Variants in GUCY1A2 observed in about 807,000 individuals in gnomAD.
GUCY1A2 encodes the protein guanylate cyclase soluble subunit alpha-2.
GUCY1A2 carries 27 observed loss-of-function variants against 63.5 expected under a neutral mutation model. The observed-to-expected ratio is 0.43, with a 90% CI of 0.31 to 0.59. GUCY1A2 has a LOEUF of 0.59. Ranked by LOEUF, GUCY1A2 falls within the 20% of genes least tolerant of loss-of-function variation. The pLI is 0.11. For missense variants in GUCY1A2, 768 were observed against 913.3 expected (o/e 0.84, Z 2.05); for synonymous variants, 364 against 343.5 (o/e 1.06, Z -0.66).
chr11:106,832,113 C>CTT (rs1437922915), intron 4 of GUCY1A2, among the ~76,000 whole-genome samples: 28 of 152,080 alleles, frequency 1.8e-4, no homozygotes, highest in Non-Finnish European at 3.4e-4. Flanking sequence ...GACAAATATG[C>CTT]AGTTGGTTTT....
intron 3 of GUCY1A2, among the ~76,000 whole-genome samples, chr11:106,965,628 T>C (rs1861117986): frequency 1.3e-5 from 2 of 152,308 alleles, no homozygotes; most frequent in South Asian, 4.1e-4. Context: ...CCTCCTGCCA[T>C]GTGGCCTTCC....
chr11:106,810,619 C>G, intron 4 of GUCY1A2, 141 bp from the exon 5 acceptor site: 2 of 604,868 alleles, frequency 3.3e-6, no homozygotes, highest in East Asian at 2.9e-5. Context: ...AAATTTAAAT[C>G]TGATTTTCAG....
At chr11:106,762,106 G>A (rs1466436251) in intron 6 of GUCY1A2, among the ~76,000 whole-genome samples, 2 of 152,038 alleles carry the variant, frequency 1.3e-5, no homozygotes, top group Non-Finnish European at 2.9e-5. Context: ...CATGGGATAA[G>A]TTTAGTATTT....
At chr11:106,954,714 A>G (rs891776097) in intron 3 of GUCY1A2, among the ~76,000 whole-genome samples, 6 of 152,186 alleles carry the variant, frequency 3.9e-5, no homozygotes, top group African/African-American at 4.8e-5. Context: ...TATATTTAGA[A>G]TAGTTAGCTC....
At chr11:106,826,673 A>G in intron 4 of GUCY1A2, 3 of 1,609,296 alleles carry the variant, frequency 1.9e-6, no homozygotes, top group Non-Finnish European at 1.7e-6. Flanking sequence ...ACATGAGCAA[A>G]CAGTTCAAAG....
chr11:106,864,657 C>A (rs996322570), intron 4 of GUCY1A2, among the ~76,000 whole-genome samples: 4 of 152,254 alleles, frequency 2.6e-5, no homozygotes, highest in Non-Finnish European at 5.9e-5. Flanking sequence ...GCCTTTTCTG[C>A]ATCTATTGAG....
At chr11:106,928,447 T>A (rs1395256468) in intron 4 of GUCY1A2, among the ~76,000 whole-genome samples, 1 of 151,314 alleles carries the variant, frequency 6.6e-6, no homozygotes, top group African/African-American at 2.4e-5. Flanking sequence ...GCTTGTCACC[T>A]ACAATATGCT....
intron 4 of GUCY1A2, among the ~76,000 whole-genome samples, chr11:106,849,797 A>G (rs1307506385): frequency 1.3e-5 from 2 of 151,720 alleles, no homozygotes; most frequent in Non-Finnish European, 3.0e-5. Flanking sequence ...ATTATCTTGG[A>G]AAGAATTTAG....
intron 4 of GUCY1A2, among the ~76,000 whole-genome samples, chr11:106,887,036 GCTAA>G (rs753960034): frequency 6.6e-6 from 1 of 151,932 alleles, no homozygotes; most frequent in East Asian, 1.9e-4. Context: ...CTTGCTGATG[GCTAA>G]CTATCCTTTC....
At chr11:106,943,067 C>A (rs1860772337) in intron 3 of GUCY1A2, among the ~76,000 whole-genome samples, 1 of 151,896 alleles carries the variant, frequency 6.6e-6, no homozygotes, top group Admixed American at 6.6e-5. Context: ...TGCACAAGAT[C>A]AGAAAAGAAA....
chr11:106,894,942 G>GA (rs1244321098), intron 4 of GUCY1A2, among the ~76,000 whole-genome samples: 2 of 151,978 alleles, frequency 1.3e-5, no homozygotes, highest in African/African-American at 4.8e-5. Flanking sequence ...GAAATAAACA[G>GA]AGAAAAGTCA....
chr11:106,704,396 T>C (rs953456044), intron 7 of GUCY1A2, among the ~76,000 whole-genome samples: 1 of 152,148 alleles, frequency 6.6e-6, no homozygotes, highest in Admixed American at 6.6e-5. Flanking sequence ...GTCACTAAAG[T>C]TCATGTAGAC....
At position 107,017,875 on chromosome 11, in the gene GUCY1A2, G is replaced by C; in HGVS notation, c.181C>G (p.Pro61Ala). The C allele has an allele frequency of 8.0e-7, 1 of 1,250,844 alleles. No homozygotes were observed. The highest frequency in any genetic ancestry group is 1.0e-6 in the Non-Finnish European group (1 of 995,746). The allele number at this position is 1,250,844 out of a possible 1,614,324, so 77.5% of individuals were successfully genotyped here. A position where few individuals can be genotyped will look rare whatever the true frequency, so the allele number is the denominator to read the frequency against. The change falls in exon 1 of 8, where the codon CCG (proline) becomes GCG (alanine). Residue 61 changes from proline to alanine, a missense_variant. Pro to Ala is a conservative substitution (Grantham distance 27). Transcript: ENST00000526355. ...GCGGCGGCAGAAGCAGCCGGGGTCGGGGCCGGGGCGGCGGCAGCGGCAGCT... is the reference window on the plus strand; with the variant it reads ...GCGGCGGCAGAAGCAGCCGGGGTCGCGGCCGGGGCGGCGGCAGCGGCAGCT... ...AAAAAAAAPA[P>A]TPAASAAAAA...
At position 106,679,322 on chromosome 11, in the gene GUCY1A2, G is replaced by A. The variant is rs867701580; in HGVS notation, c.*8227C>T. 47 of 190,914 alleles carry A rather than the reference G, an allele frequency of 2.5e-4. No individual in the cohort carries two copies. Among genetic ancestry groups the A allele is most frequent in the African/African-American group, 1.1e-3 (46 of 42,920 alleles). The allele number at this position is 190,914 out of a possible 1,614,324, so 11.8% of individuals were successfully genotyped here. On this transcript the variant is annotated 3_prime_UTR_variant, in exon 8 of 8. Transcript: ENST00000526355. ...AGAATACCATTAAATGCTATGGGGT[G>A]ATTCTCTCTCCAGCTCAAATACTCT...
chr11:106,890,537 G>A (rs1045447962), intron 4 of GUCY1A2, among the ~76,000 whole-genome samples: 2 of 152,102 alleles, frequency 1.3e-5, no homozygotes, highest in Admixed American at 6.6e-5. Context: ...GGAAATTCAC[G>A]ATTCTGACTT....
At chr11:106,885,575 C>A (rs912227242) in intron 4 of GUCY1A2, among the ~76,000 whole-genome samples, 10 of 152,006 alleles carry the variant, frequency 6.6e-5, no homozygotes, top group African/African-American at 2.4e-4. Context: ...ACTATTATTG[C>A]CTTCCATTAC....
At chr11:106,821,600 C>G (rs1337272827) in intron 4 of GUCY1A2, among the ~76,000 whole-genome samples, 2 of 152,064 alleles carry the variant, frequency 1.3e-5, no homozygotes, top group Non-Finnish European at 2.9e-5. Flanking sequence ...CAATGTTCTG[C>G]AAAGACAGAA....
rs1862307483 is a variant in GUCY1A2 at position 106,674,153 on chromosome 11, C to T, written c.*13396G>A. On this transcript the variant is annotated 3_prime_UTR_variant, in exon 8 of 8. Transcript: ENST00000526355. The stretch of plus-strand genomic sequence containing the variant: ...AAATATAACACAGAACTATCATTTC[C>T]ACTTTGTTTTATAAGAATCCCACGT... 5.5e-6 allele frequency: 1 copy of T among 183,268 alleles called. No homozygotes were observed. Among genetic ancestry groups the T allele is most frequent in the African/African-American group, 2.4e-5 (1 of 42,536 alleles). The allele number at this position is 183,268 out of a possible 1,614,324, so 11.4% of individuals were successfully genotyped here.
At chr11:106,812,961 C>T (rs1858781820) in intron 4 of GUCY1A2, among the ~76,000 whole-genome samples, 1 of 151,938 alleles carries the variant, frequency 6.6e-6, no homozygotes, top group African/African-American at 2.4e-5. Flanking sequence ...GTCACCAATG[C>T]ATTTTTACTT....
Sources: gnomAD v4.1 joint callset for allele counts (sites outside exome capture counted in the v4.1 genomes callset) on GRCh38, gnomAD v4.1.1 for gene constraint, MANE v1.5 for transcripts, NCBI Gene and HGNC (gene_info 2026-07-23, HGNC 2026-07-21) for gene names.